The following DHX8 variants were observed in gnomAD, a reference collection of about 807,000 sequenced individuals.
DHX8 encodes the protein DEAH-box helicase 8, also known as ATP-dependent RNA helicase DHX8.
A neutral mutation model predicts 140.7 loss-of-function variants in DHX8; 67 were observed. The ratio of observed to expected loss-of-function variants is 0.48; its 90% CI spans 0.39 to 0.58. DHX8 has a LOEUF of 0.58. Ranked by LOEUF, DHX8 falls within the 20% of genes least tolerant of loss-of-function variation. DHX8 has a pLI of 0.00. For missense variants in DHX8, 887 were observed against 1,550.7 expected (o/e 0.57, Z 7.19); for synonymous variants, 533 against 553.2 (o/e 0.96, Z 0.51).
At chr17:43,516,334 A>G (rs1460771973) in intron 17 of DHX8, among the ~76,000 whole-genome samples, 2 of 152,194 alleles carry the variant, frequency 1.3e-5, no homozygotes, top group African/African-American at 4.8e-5. Flanking sequence ...TGATATATAA[A>G]GACTTTTACT....
intron 3 of DHX8, 92 bp downstream of exon 3, chr17:43,490,555 T>C: frequency 9.4e-7 from 1 of 1,067,870 alleles, no homozygotes; most frequent in Non-Finnish European, 1.4e-6. Flanking sequence ...CAGCAGTTGC[T>C]GAGCAAGTAA....
At chr17:43,491,301 C>G in intron 4 of DHX8, 51 bp downstream of exon 4, 1 of 983,454 alleles carries the variant, frequency 1.0e-6, no homozygotes, top group South Asian at 2.3e-5. Context: ...TTCTCAACCC[C>G]TTTTCTTTGT....
chr17:43,499,308 T>C (rs1022408481), intron 10 of DHX8, among the ~76,000 whole-genome samples: 1 of 152,144 alleles, frequency 6.6e-6, no homozygotes, highest in Non-Finnish European at 1.5e-5. Context: ...CTGGCCACCA[T>C]AGAAAGCTGT....
chr17:43,500,123 G>GTA lies in DHX8; in HGVS notation c.1546+22_1546+23dup, dbSNP rs1567682661. ...CTGATGGTAGGACCCTTGGAGGGGT[G>GTA]TATGGACCTTGTTTAAAAATCTGAG... is the stretch of plus-strand genomic sequence containing the variant. On this transcript the variant is annotated intron_variant, in intron 11 of 22. Transcript: ENST00000262415. 6.2e-7 allele frequency: 1 copy of GTA among 1,605,944 alleles called. No homozygotes were observed. Among genetic ancestry groups the GTA allele is most frequent in the East Asian group, 2.2e-5 (1 of 44,710 alleles).
intron 11 of DHX8, among the ~76,000 whole-genome samples, chr17:43,500,843 G>A (rs1969151111): frequency 1.3e-5 from 2 of 152,028 alleles, no homozygotes; most frequent in South Asian, 4.1e-4. Context: ...CCCTGGAGGC[G>A]GAGGTTGCAG....
intron 22 of DHX8, 21 bp downstream of exon 22, chr17:43,522,247 G>A (rs1970410750): frequency 6.3e-7 from 1 of 1,595,158 alleles, no homozygotes; most frequent in Non-Finnish European, 8.5e-7. Flanking sequence ...ATGTCCCAGG[G>A]TCTAGGGGCT....
At chr17:43,534,061 A>C in intron 2 of DHX8, 1 of 1,388,388 alleles carries the variant, frequency 7.2e-7, no homozygotes, top group Non-Finnish European at 9.3e-7. Flanking sequence ...ATACCTTCTG[A>C]GCTTTGAGGA....
downstream of DHX8, chr17:43,530,224 G>A (rs1375917957): frequency 6.4e-7 from 1 of 1,551,882 alleles, no homozygotes; most frequent in Admixed American, 2.0e-5. Context: ...GCTTGGGGTG[G>A]AGCTCGAGGG....
At chr17:43,521,222 C>G in intron 20 of DHX8, 147 bp from the exon 21 acceptor site, 1 of 713,760 alleles carries the variant, frequency 1.4e-6, no homozygotes, top group Non-Finnish European at 2.3e-6. Flanking sequence ...CTCAGTTTCC[C>G]AAAATGCTGG....
intron 18 of DHX8, 126 bp from the exon 19 acceptor site, chr17:43,520,004 A>G (rs1310768500): frequency 2.0e-6 from 2 of 995,776 alleles, no homozygotes; most frequent in Non-Finnish European, 3.1e-6. Context: ...AGTTACCGCC[A>G]GTCTCACCGG....
intron 11 of DHX8, among the ~76,000 whole-genome samples, chr17:43,504,349 C>G (rs1027126847): frequency 2.0e-5 from 3 of 152,068 alleles, no homozygotes; most frequent in African/African-American, 7.2e-5. Flanking sequence ...CAGAGCAAGA[C>G]CCTACCTAAA....
At chr17:43,517,392 A>G in intron 18 of DHX8, 70 bp downstream of exon 18, 1 of 1,513,806 alleles carries the variant, frequency 6.6e-7, no homozygotes. Context: ...AATGAATTTC[A>G]GTTTTATGAA....
Position 43,496,223 on chromosome 17 carries a change from T to C in DHX8, c.1255T>C (p.Phe419Leu), listed in dbSNP as rs1156473193. 2 of 1,613,950 alleles carry C rather than the reference T, an allele frequency of 1.2e-6. No homozygotes were observed. The highest frequency in any genetic ancestry group is 1.7e-6 in the Non-Finnish European group (2 of 1,179,968). ...CCTTTCCAAAGAAGAATTTCCAGAC[T>C]TTGATGAAGAGACTGGCATTCTCCC... is the stretch of plus-strand genomic sequence containing the variant. ...NVLSKEEFPDFDEETGILPKV... is the reference protein window; with the variant it reads ...NVLSKEEFPDLDEETGILPKV... The change falls in exon 9 of 23, where the codon TTT (phenylalanine) becomes CTT (leucine). Residue 419 changes from phenylalanine to leucine, a missense_variant. Physicochemically the swap from Phe to Leu is conservative, Grantham distance 22. Coordinates refer to ENST00000262415, the MANE Select transcript of DHX8 (RefSeq NM_004941.3).
At chr17:43,534,669 G>A (rs1567711011) in intron 2 of DHX8, among the ~76,000 whole-genome samples, 1 of 152,168 alleles carries the variant, frequency 6.6e-6, no homozygotes, top group Non-Finnish European at 1.5e-5. Context: ...GCCGGGCGCG[G>A]TGGCTCACGC....
intron 3 of DHX8, among the ~76,000 whole-genome samples, chr17:43,537,180 AC>A (rs1261310694): frequency 6.6e-6 from 1 of 152,144 alleles, no homozygotes; most frequent in Non-Finnish European, 1.5e-5. Flanking sequence ...AGCCTGGCCA[AC>A]ATGACGAAAC....
At chr17:43,506,025 G>A (rs138893839) in intron 12 of DHX8, among the ~76,000 whole-genome samples, 1 of 151,908 alleles carries the variant, frequency 6.6e-6, no homozygotes, top group Non-Finnish European at 1.5e-5. Flanking sequence ...GTATGTGTGT[G>A]TGACAGAGTC....
At position 43,522,082 on chromosome 17, in the gene DHX8, C is replaced by A; in HGVS notation, c.3299C>A (p.Thr1100Lys). ...GATGTTGTTTCCTGTGGCAAGTCCACAGTCCGAGTGCAGAAGGCCATCTGC... is the reference window on the plus strand; with the variant it reads ...GATGTTGTTTCCTGTGGCAAGTCCAAAGTCCGAGTGCAGAAGGCCATCTGC... ...KLDVVSCGKS[T>K]VRVQKAICSG... The change falls in exon 22 of 23, where the codon ACA (threonine) becomes AAA (lysine). Residue 1100 changes from threonine to lysine, a missense_variant. Coordinates refer to ENST00000262415, the MANE Select transcript of DHX8 (RefSeq NM_004941.3). The A allele has an allele frequency of 1.2e-6, 2 of 1,614,112 alleles. No homozygotes were observed. The highest frequency in any genetic ancestry group is 1.7e-6 in the Non-Finnish European group (2 of 1,179,986).
At position 43,542,094 on chromosome 17, in the gene DHX8, C is replaced by T. The variant is rs186920763; in HGVS notation, c.*21-2068C>T. Among the ~76,000 whole-genome samples the T allele has an allele frequency of 8.5e-5, 13 of 152,162 alleles. No individual in the cohort carries two copies. In the East Asian group the frequency reaches 2.3e-3, roughly 27 times the overall value. ...TGACCTACAAATATGATTGGGACAGCCAAAGGGCAAAGGGACTGGAGCCCT... is the reference window on the plus strand; with the variant it reads ...TGACCTACAAATATGATTGGGACAGTCAAAGGGCAAAGGGACTGGAGCCCT... On this transcript the variant is annotated intron_variant, in intron 3 of 3. Coordinates refer to the DHX8 transcript ENST00000589898.
chr17:43,540,209 T>C (rs1365688212), intron 3 of DHX8, among the ~76,000 whole-genome samples: 2 of 152,132 alleles, frequency 1.3e-5, no homozygotes, highest in African/African-American at 2.4e-5. Context: ...TCCCAGCACT[T>C]TGGGAGGCTG....
Sources: gnomAD v4.1 joint callset for allele counts (sites outside exome capture counted in the v4.1 genomes callset) on GRCh38, gnomAD v4.1.1 for gene constraint, MANE v1.5 for transcripts, NCBI Gene and HGNC (gene_info 2026-07-23, HGNC 2026-07-21) for gene names.